The following NUMB variants were observed in gnomAD, a reference collection of about 807,000 sequenced individuals.
NUMB encodes the protein NUMB endocytic adaptor protein, also known as protein numb homolog.
In NUMB, 29 loss-of-function variants were observed where a neutral mutation model predicts 59.7. The observed-to-expected ratio is 0.49, with a 90% CI of 0.36 to 0.66. NUMB has a LOEUF of 0.66. Ranked by LOEUF, NUMB falls within the 30% of genes least tolerant of loss-of-function variation. The pLI is 0.00. For synonymous variants in NUMB, 288 were observed against 288.2 expected (o/e 1.00, Z 0.01); for missense variants, 723 against 822.0 (o/e 0.88, Z 1.47).
intron 4 of NUMB, among the ~76,000 whole-genome samples, chr14:73,328,194 G>A (rs1891765167): frequency 6.6e-6 from 1 of 150,854 alleles, no homozygotes. Context: ...AGAATTGCCT[G>A]AACCCAAGAG....
intron 1 of NUMB, among the ~76,000 whole-genome samples, chr14:73,431,978 C>CA (rs971040939): frequency 1.6e-4 from 24 of 148,438 alleles, no homozygotes; most frequent in East Asian, 7.8e-4. Flanking sequence ...AAACACTTTC[C>CA]AAAAAAAAAA....
At chr14:73,376,450 T>C (rs1171419365) in intron 2 of NUMB, among the ~76,000 whole-genome samples, 1 of 151,908 alleles carries the variant, frequency 6.6e-6, no homozygotes, top group African/African-American at 2.4e-5. Context: ...ACTGTCAAAA[T>C]GTCAGGTCTT....
rs186603275 is a variant in NUMB at position 73,282,172 on chromosome 14, T to C, written c.1096+187A>G. On this transcript the variant is annotated intron_variant, in intron 11 of 12. Coordinates refer to ENST00000555238, the MANE Select transcript of NUMB (RefSeq NM_001005743.2). ...TGCAGAATGACAAACACAGACATCT[T>C]AGAAAACAGGAAGGGCACAAAGACA... 1.1e-4 allele frequency: 55 copies of C among 521,844 alleles called. No individual in the cohort carries two copies. The East Asian group carries it at 1.4e-3, about 13-fold the overall frequency. 32.3% of individuals were successfully genotyped at this position (521,844 alleles called of 1,614,324 possible). A position where few individuals can be genotyped will look rare whatever the true frequency, so the allele number is the denominator to read the frequency against.
At chr14:73,403,602 C>A (rs895824367) in intron 2 of NUMB, among the ~76,000 whole-genome samples, 5 of 152,180 alleles carry the variant, frequency 3.3e-5, no homozygotes, top group African/African-American at 4.8e-5. Context: ...CCCAGACTCT[C>A]AAGATAATTA....
chr14:73,295,454 A>G (rs1889713203), intron 7 of NUMB, among the ~76,000 whole-genome samples: 1 of 152,252 alleles, frequency 6.6e-6, no homozygotes, highest in Admixed American at 6.5e-5. Flanking sequence ...CAAGTATAAC[A>G]AATTTCATCC....
At chr14:73,439,759 G>A (rs1031965228) in intron 1 of NUMB, among the ~76,000 whole-genome samples, 20 of 152,174 alleles carry the variant, frequency 1.3e-4, no homozygotes, top group Admixed American at 4.6e-4. Context: ...GTGAATTAAA[G>A]AGGAGAAAGG....
intron 1 of NUMB, among the ~76,000 whole-genome samples, chr14:73,425,809 ATTT>A (rs71112753): frequency 1.4e-5 from 2 of 138,126 alleles, no homozygotes; most frequent in Admixed American, 7.4e-5. Flanking sequence ...ATTTTATTTA[ATTT>A]TTTTTTTTTT....
intron 1 of NUMB, among the ~76,000 whole-genome samples, chr14:73,417,767 AGATGAAAACAACCTAAGTGTCCACCGATG>A (rs1595014835): frequency 6.6e-6 from 1 of 152,214 alleles, no homozygotes; most frequent in East Asian, 1.9e-4. Context: ...AGTAGCCAAA[AGATGAAAACAACCTAAGTGTCCACCGATG>A]GATGAATGGC....
intron 3 of NUMB, among the ~76,000 whole-genome samples, chr14:73,365,825 A>G (rs1318434606): frequency 6.6e-6 from 1 of 152,230 alleles, no homozygotes; most frequent in Non-Finnish European, 1.5e-5. Context: ...TCAGCACTTT[A>G]GGATTCTGAC....
intron 4 of NUMB, among the ~76,000 whole-genome samples, chr14:73,345,452 T>C (rs549920269): frequency 1.3e-5 from 2 of 152,130 alleles, no homozygotes; most frequent in Non-Finnish European, 2.9e-5. Context: ...AATTTACCCA[T>C]GTAACAAACC....
At position 73,297,238 on chromosome 14, in the gene NUMB, T is replaced by C; in HGVS notation, c.282A>G (p.Gly94=). ...TAGTTTTTTCATCCACAACTCTGAG[T>C]CCATCTGCTGAGACCCACAGAACTG... is the stretch of plus-strand genomic sequence containing the variant. ...VKAVLWVSAD[G]LRVVDEKTKD... is the part of the protein sequence containing the mutation. The change falls in exon 7 of 13, where the codon GGA becomes GGG. Residue 94 remains glycine, a synonymous_variant. Transcript: ENST00000555238. 6.2e-7 allele frequency: 1 copy of C among 1,609,602 alleles called. No individual in the cohort carries two copies.
Position 73,443,659 on chromosome 14 carries a change from T to C in NUMB, c.-233+14834A>G, listed in dbSNP as rs377201299. On this transcript the variant is annotated intron_variant, in intron 1 of 12. Coordinates refer to ENST00000555238, the MANE Select transcript of NUMB (RefSeq NM_001005743.2). The stretch of plus-strand genomic sequence containing the variant: ...GATTGATCGATTGATGATTGATTCA[T>C]TCATTCATTGAGCTGGAGTCTTGCT... Among the ~76,000 whole-genome samples the C allele has an allele frequency of 6.2e-4, 94 of 151,790 alleles. 1 individual carries two copies. The highest frequency in any genetic ancestry group is 8.9e-4 in the African/African-American group (37 of 41,364).
At chr14:73,442,609 T>C (rs1434822882) in intron 1 of NUMB, among the ~76,000 whole-genome samples, 3 of 152,012 alleles carry the variant, frequency 2.0e-5, no homozygotes, top group African/African-American at 7.2e-5. Context: ...ACAAATAACA[T>C]GGAAAATCTC....
chr14:73,365,698 T>C (rs369790781), intron 3 of NUMB, among the ~76,000 whole-genome samples: 2 of 152,248 alleles, frequency 1.3e-5, no homozygotes, highest in Non-Finnish European at 2.9e-5. Flanking sequence ...TTTTGAATTT[T>C]TGTATAATTT....
At chr14:73,356,049 G>A (rs909712036) in intron 3 of NUMB, among the ~76,000 whole-genome samples, 1 of 152,080 alleles carries the variant, frequency 6.6e-6, no homozygotes, top group African/African-American at 2.4e-5. Flanking sequence ...AGGATTTAAA[G>A]ACATATTATC....
At chr14:73,316,931 G>A (rs1314264490) in intron 5 of NUMB, among the ~76,000 whole-genome samples, 1 of 152,118 alleles carries the variant, frequency 6.6e-6, no homozygotes, top group East Asian at 1.9e-4. Context: ...AATGTAATAC[G>A]TAAAATTAAA....
chr14:73,312,522 T>C (rs932781341), intron 6 of NUMB, among the ~76,000 whole-genome samples: 1 of 152,174 alleles, frequency 6.6e-6, no homozygotes, highest in Non-Finnish European at 1.5e-5. Flanking sequence ...GAGACCAGCC[T>C]GGGCAACATG....
Position 73,287,146 on chromosome 14 carries a change from C to T in NUMB, c.619G>A (p.Glu207Lys). The T allele has an allele frequency of 2.5e-6, 4 of 1,613,992 alleles. No homozygotes were observed. The highest frequency in any genetic ancestry group is 3.4e-6 in the Non-Finnish European group (4 of 1,180,010). The change falls in exon 9 of 13, where the codon GAG (glutamate) becomes AAG (lysine). Residue 207 changes from glutamate (E) to lysine (K), a missense_variant. Physicochemically the swap from Glu to Lys is moderately conservative, Grantham distance 56. Around this residue, in one of 2 missense-constraint regions of NUMB, gnomAD observed 317 missense variants for 436.6 expected, o/e 0.73. Transcript: ENST00000555238. ...TCTTGCATTTGTTTCATGATCTCCT[C>T]TCTTTCTGCTTGTTCAGTGGCTGTT... ...VTTATEQAER[E>K]EIMKQMQDAK...
At chr14:73,334,487 G>C (rs777923624) in intron 4 of NUMB, among the ~76,000 whole-genome samples, 7 of 152,144 alleles carry the variant, frequency 4.6e-5, no homozygotes, top group Non-Finnish European at 8.8e-5. Context: ...ACTGACCTAT[G>C]AAACCATCTA....
Sources: gnomAD v4.1 joint callset for allele counts (sites outside exome capture counted in the v4.1 genomes callset) on GRCh38, gnomAD v4.1.1 for gene constraint, gnomAD v4.1.1 regional missense constraint, MANE v1.5 for transcripts, NCBI Gene and HGNC (gene_info 2026-07-23, HGNC 2026-07-21) for gene names.